The following TTN variants were observed in gnomAD, a reference collection of about 807,000 sequenced individuals.
TTN encodes connectin.
Under a neutral mutation model 3,223.0 loss-of-function variants are expected in TTN, and 1,525 were observed. That is an observed-to-expected ratio of 0.47 (90% CI 0.45 to 0.49). The LOEUF (loss-of-function observed/expected upper bound fraction) is 0.49. Ranked by LOEUF, TTN falls within the 20% of genes least tolerant of loss-of-function variation. TTN has a pLI of 0.00. For missense variants in TTN, 40,786 were observed against 43,424.0 expected, an observed-to-expected ratio of 0.94 and a Z score of 5.40; for synonymous variants, 14,094 against 15,161.0, an observed-to-expected ratio of 0.93 and a Z score of 5.17.
At position 178,663,635 on chromosome 2, in the gene TTN, G is replaced by C; in HGVS notation, c.36524C>G (p.Pro12175Arg). 6.2e-7 allele frequency: 1 copy of C among 1,613,738 alleles called. No individual in the cohort carries two copies. Among genetic ancestry groups the C allele is most frequent in the Non-Finnish European group, 8.5e-7 (1 of 1,179,762 alleles). The change falls in exon 171 of 363, where the codon CCT (proline) becomes CGT (arginine). Residue 12175 changes from proline to arginine, a missense_variant. Transcript: ENST00000589042. Reference sequence around the variant, plus strand: ...AAATCAGTGACAAATACCTTTAACAGGTGGGACTTCAGGCTCTTTAGGAGG... The same window carrying C: ...AAATCAGTGACAAATACCTTTAACACGTGGGACTTCAGGCTCTTTAGGAGG... ...VAPPKEPEVP[P>R]VKVPEAPKEV...
At chr2:178,630,392 T>G (rs757261478) in intron 238 of TTN, 25 bp from the exon 239 acceptor site, 1 of 1,575,946 alleles carries the variant, frequency 6.3e-7, no homozygotes, top group East Asian at 2.3e-5. Flanking sequence ...CAGAAAAACT[T>G]TCATAGAAAA....
Position 178,577,211 on chromosome 2 carries a change from C to T in TTN, c.69124G>A (p.Gly23042Ser). The T allele has an allele frequency of 6.2e-7, 1 of 1,612,788 alleles. No homozygotes were observed. Among genetic ancestry groups the T allele is most frequent in the Non-Finnish European group, 8.5e-7 (1 of 1,179,444 alleles). ...HVKVTVLDVP[G>S]PPGPVEISNV... ...CTGATTTCAACAGGACCTGGGGGAC[C>T]AGGTACATCAAGGACTGTTACCTTC... The change falls in exon 324 of 363, where the codon GGT becomes AGT. Residue 23042 changes from glycine (G) to serine (S), a missense_variant. Coordinates refer to ENST00000589042, the MANE Select transcript of TTN (RefSeq NM_001267550.2).
chr2:178,577,834 T>C lies in TTN; in HGVS notation c.68592A>G (p.Glu22864=). 1 of 1,610,112 alleles carries C rather than the reference T, an allele frequency of 6.2e-7. No homozygotes were observed. Among genetic ancestry groups the C allele is most frequent in the East Asian group, 2.2e-5 (1 of 44,692 alleles). The part of the protein sequence containing the change: ...TRNSVTLIWT[E]PKYDGGHKLT... Reference sequence around the variant, plus strand: ...ACTTATGACCACCGTCATATTTAGGTTCAGTCCAAATGAGAGTCACTGAAT... The same window carrying C: ...ACTTATGACCACCGTCATATTTAGGCTCAGTCCAAATGAGAGTCACTGAAT... The change falls in exon 323 of 363, where the codon GAA becomes GAG. Residue 22864 remains glutamate, a synonymous_variant. Transcript: ENST00000589042.
chr2:178,651,824 T>A, intron 205 of TTN, 60 bp downstream of exon 205: 1 of 1,601,876 alleles, frequency 6.2e-7, no homozygotes, highest in Non-Finnish European at 8.5e-7. Flanking sequence ...CACCCAGAAT[T>A]ATCAGGGCAG....
chr2:178,803,791 A>G (rs2094180861), intron 2 of TTN, among the ~76,000 whole-genome samples: 1 of 152,016 alleles, frequency 6.6e-6, no homozygotes, highest in South Asian at 2.1e-4. Context: ...AATTATTTAC[A>G]ATATAGTTCA....
At chr2:178,794,303 A>G (rs759108570) in intron 8 of TTN, 96 bp downstream of exon 8, 30 of 1,566,382 alleles carry the variant, frequency 1.9e-5, no homozygotes, top group Non-Finnish European at 2.6e-5. Context: ...GAATGAATTG[A>G]GCACAGCTGC....
In TTN at chr2:178,528,639, G is replaced by A. The variant is rs1187525340; in HGVS notation, c.107112C>T (p.Phe35704=). The A allele has an allele frequency of 1.2e-6, 2 of 1,612,732 alleles. No individual in the cohort carries two copies. Among genetic ancestry groups the A allele is most frequent in the East Asian group, 2.2e-5 (1 of 44,854 alleles). The part of the protein sequence containing the change: ...LSKELSDAPA[F]ISQPRSQNIN... ...TATTTTGAGATCTAGGCTGTGAGAT[G>A]AAGGCTGGAGCATCTGAGAGTTCTT... Residue 35704 remains phenylalanine (F), a synonymous_variant, in exon 360 of 363, where the codon TTC becomes TTT. Transcript: ENST00000589042.
intron 74 of TTN, 24 bp downstream of exon 74, chr2:178,723,394 A>G: frequency 1.2e-6 from 2 of 1,605,284 alleles, no homozygotes; most frequent in Non-Finnish European, 8.5e-7. Flanking sequence ...AGAAAACAGA[A>G]AAAGTGAATC....
In TTN at chr2:178,712,389, T is replaced by A; in HGVS notation, c.27533A>T (p.Asp9178Val). The A allele has an allele frequency of 6.2e-7, 1 of 1,613,882 alleles. No individual in the cohort carries two copies. Among genetic ancestry groups the A allele is most frequent in the Non-Finnish European group, 8.5e-7 (1 of 1,179,834 alleles). Residue 9178 changes from aspartate (D) to valine (V), a missense_variant, in exon 95 of 363, where the codon GAT becomes GTT. Asp to Val is a radical substitution (Grantham distance 152). Coordinates refer to ENST00000589042, the MANE Select transcript of TTN (RefSeq NM_001267550.2). ...AATGTAGCAGTTGTATTGTCCTGCA[T>A]CCTCTACTGTGCTACTTGGAATTTC... is the stretch of plus-strand genomic sequence containing the variant. ...ILEIPSSTVE[D>V]AGQYNCYIEN...
rs1693294926 is a variant in TTN, at chr2:178,539,404, T to A, written c.98661A>T (p.Pro32887=). Residue 32887 remains proline (P), a synonymous_variant, in exon 352 of 363, where the codon CCA becomes CCT. Coordinates refer to ENST00000589042, the MANE Select transcript of TTN (RefSeq NM_001267550.2). ...TACTCAATGGTGTTTTTGGTGTGAC[T>A]GGTTCCTCAGATTTCAAGGGTTTGC... ...GISKPLKSEE[P]VTPKTPLNPP... is the part of the protein sequence containing the mutation. 1 of 1,612,624 alleles carries A rather than the reference T, an allele frequency of 6.2e-7. No homozygotes were observed. Among genetic ancestry groups the A allele is most frequent in the Non-Finnish European group, 8.5e-7 (1 of 1,178,718 alleles).
At chr2:178,700,542 G>T (rs1324167001) in intron 111 of TTN, among the ~76,000 whole-genome samples, 1 of 152,160 alleles carries the variant, frequency 6.6e-6, no homozygotes, top group African/African-American at 2.4e-5. Context: ...GAAGCTTTGG[G>T]ACACAAATAC....
At chr2:178,581,348 A>G in intron 316 of TTN, 151 bp downstream of exon 316, 2 of 502,344 alleles carry the variant, frequency 4.0e-6, no homozygotes, top group Non-Finnish European at 6.4e-6. Context: ...ACAATACCGT[A>G]AAGTACCCAC....
intron 29 of TTN, 126 bp downstream of exon 29, chr2:178,774,795 T>A: frequency 9.1e-7 from 1 of 1,100,020 alleles, no homozygotes; most frequent in South Asian, 1.5e-5. Flanking sequence ...TGATTCTGGC[T>A]ATGAAACTTA....
chr2:178,710,529 G>A, intron 98 of TTN, 106 bp downstream of exon 98: 5 of 1,330,272 alleles, frequency 3.8e-6, no homozygotes, highest in Non-Finnish European at 5.1e-6. Context: ...CTTTTCATTT[G>A]TTTAAAAATG....
At chr2:178,804,201 T>C (rs905511779) in intron 2 of TTN, among the ~76,000 whole-genome samples, 7 of 152,214 alleles carry the variant, frequency 4.6e-5, no homozygotes, top group Non-Finnish European at 7.3e-5. Context: ...CTGGCTTCTA[T>C]TGGGCTTGAG....
intron 46 of TTN, among the ~76,000 whole-genome samples, chr2:178,755,663 C>A (rs1201726123): frequency 6.6e-6 from 1 of 152,096 alleles, no homozygotes; most frequent in Non-Finnish European, 1.5e-5. Context: ...AGGCTGGTCT[C>A]AAACTCCTGA....
chr2:178,787,508 A>G (rs528827094), intron 13 of TTN, among the ~76,000 whole-genome samples: 2 of 152,156 alleles, frequency 1.3e-5, no homozygotes, highest in African/African-American at 4.8e-5. Context: ...AGATAACACT[A>G]AATAAATAAA....
rs374303526 is a variant in TTN at position 178,678,955 on chromosome 2, A to T, written c.33743-125T>A. 5.1e-6 allele frequency: 4 copies of T among 780,944 alleles called. No individual in the cohort carries two copies. In the African/African-American group the frequency reaches 5.5e-5, roughly 11 times the overall value. 48.4% of individuals were successfully genotyped at this position (780,944 alleles called of 1,614,324 possible). A position where few individuals can be genotyped will look rare whatever the true frequency, so the allele number is the denominator to read the frequency against. ...CTATCAATTTCACTTTAAGACTGAAAATTATAATAGCCACAAAACAAAGGC... is the reference window on the plus strand; with the variant it reads ...CTATCAATTTCACTTTAAGACTGAATATTATAATAGCCACAAAACAAAGGC... On this transcript the variant is annotated intron_variant, in intron 142 of 362. Transcript: ENST00000589042.
intron 43 of TTN, among the ~76,000 whole-genome samples, chr2:178,761,712 T>C (rs1321452316): frequency 6.6e-6 from 1 of 152,112 alleles, no homozygotes; most frequent in Non-Finnish European, 1.5e-5. Context: ...TCAAGCTCCT[T>C]AAAGGCAAGA....
Sources: allele counts gnomAD v4.1 joint callset (sites outside exome capture counted in the v4.1 genomes callset), GRCh38; gene constraint gnomAD v4.1.1; transcripts MANE v1.5; gene names NCBI Gene and HGNC (gene_info 2026-07-23, HGNC 2026-07-21).